FAM171A2: variants seen among roughly 807,000 people sequenced by gnomAD.
FAM171A2 encodes family with sequence similarity 171 member A2.
Under a neutral mutation model 34.2 loss-of-function variants are expected in FAM171A2, and 13 were observed. The ratio of observed to expected loss-of-function variants is 0.38; its 90% CI spans 0.25 to 0.60. The LOEUF is 0.60. Among genes scored for constraint, FAM171A2 ranks in the 20% least tolerant of loss-of-function variants. The pLI, the probability that FAM171A2 is intolerant of heterozygous loss-of-function variation, is 0.62. For synonymous variants in FAM171A2, 475 were observed against 561.2 expected (o/e 0.85, Z 2.17); for missense variants, 950 against 1,180.7 (o/e 0.80, Z 2.86).
chr17:44,360,101 G>C lies in FAM171A2; in HGVS notation c.150C>G (p.Ser50Arg). 1 of 1,551,600 alleles carries C rather than the reference G, an allele frequency of 6.4e-7. No individual in the cohort carries two copies. Among genetic ancestry groups the C allele is most frequent in the Non-Finnish European group, 8.7e-7 (1 of 1,146,954 alleles). ...CCCGGGCCAGGGGCACCAGCTCCCCGCTCACATACACCTGCACCTTGATCA... is the reference window on the plus strand; with the variant it reads ...CCCGGGCCAGGGGCACCAGCTCCCCCCTCACATACACCTGCACCTTGATCA... ...EILIKVQVYVSGELVPLARAS... is the reference protein window; with the variant it reads ...EILIKVQVYVRGELVPLARAS... Residue 50 changes from serine (S) to arginine (R), a missense_variant, in exon 2 of 8, where the codon AGC becomes AGG. Ser to Arg is a moderately radical substitution (Grantham distance 110). This residue lies in a region of FAM171A2 where 752 missense variants were observed against 924.5 expected (regional missense o/e 0.81). Coordinates refer to ENST00000293443, the MANE Select transcript of FAM171A2 (RefSeq NM_198475.3).
rs2048458717 is a variant in FAM171A2 at position 44,363,838 on chromosome 17, G to A, written c.-124C>T. The A allele has an allele frequency of 1.1e-5, 4 of 363,680 alleles. No individual in the cohort carries two copies. The highest frequency in any genetic ancestry group is 2.2e-5 in the African/African-American group (1 of 45,986). 22.5% of individuals were successfully genotyped at this position (363,680 alleles called of 1,614,324 possible). The stretch of plus-strand genomic sequence containing the variant: ...GGCTCCCGCTCCCGCTGCGGCGCCC[G>A]CTCAGCGCGATTGTCTCCGACCGGA... On this transcript the variant is annotated 5_prime_UTR_variant, in exon 1 of 8. Coordinates refer to ENST00000293443, the MANE Select transcript of FAM171A2 (RefSeq NM_198475.3).
In FAM171A2 at chr17:44,356,556, G is replaced by A. The variant is rs62081208; in HGVS notation, c.472C>T (p.Arg158Cys). Reference sequence around the variant, plus strand: ...CTGACAGGCAGGCGGGCAGCCCGGCGCTGGAACTGCACCAAGGGCTGGGAG... The same window carrying A: ...CTGACAGGCAGGCGGGCAGCCCGGCACTGGAACTGCACCAAGGGCTGGGAG... ...ARSQPLVQFQ[R>C]RAARLPVSST... The change falls in exon 4 of 8, where the codon CGC becomes TGC. Residue 158 changes from arginine to cysteine, a missense_variant. Around this residue, in one of 3 missense-constraint regions of FAM171A2, gnomAD observed 752 missense variants for 924.5 expected, o/e 0.81. Transcript: ENST00000293443. The A allele has an allele frequency of 5.2e-6, 8 of 1,547,934 alleles. No individual in the cohort carries two copies. The highest frequency in any genetic ancestry group is 6.1e-6 in the Non-Finnish European group (7 of 1,146,254).
chr17:44,354,421 C>CCGCCGCCCT lies in FAM171A2; in HGVS notation c.1784_1792dup (p.Glu595_Gly597dup). 8.7e-7 allele frequency: 1 copy of CCGCCGCCCT among 1,150,694 alleles called. No individual in the cohort carries two copies. Among genetic ancestry groups the CCGCCGCCCT allele is most frequent in the Non-Finnish European group, 1.1e-6 (1 of 932,002 alleles). 71.3% of individuals were successfully genotyped at this position (1,150,694 alleles called of 1,614,324 possible). The stretch of plus-strand genomic sequence containing the variant: ...GGCCCCCCAGCCCTCGCCGCCGCCC[C>CCGCCGCCCT]CGCCGCCCTCGCCCCCCGGGCCCGA... On this transcript the variant is annotated inframe_insertion, in exon 8 of 8. Coordinates refer to ENST00000293443, the MANE Select transcript of FAM171A2 (RefSeq NM_198475.3). The surrounding 1 kb of genome is among the most constrained non-coding windows in gnomAD (Gnocchi z 5.8).
chr17:44,358,407 G>T (rs554411380), intron 3 of FAM171A2, among the ~76,000 whole-genome samples: 1 of 152,244 alleles, frequency 6.6e-6, no homozygotes, highest in South Asian at 2.1e-4. Flanking sequence ...GAGCAGCTTG[G>T]TGAGGCCGGG....
At position 44,363,760 on chromosome 17, in the gene FAM171A2, C is replaced by T; in HGVS notation, c.-46G>A. ...TAGCGGTCCATGGCTCCCGCCTGGTCCCGCTCGCCCGGCCCCGCGCAGCCC... is the reference window on the plus strand; with the variant it reads ...TAGCGGTCCATGGCTCCCGCCTGGTTCCGCTCGCCCGGCCCCGCGCAGCCC... On this transcript the variant is annotated 5_prime_UTR_variant, in exon 1 of 8. Transcript: ENST00000293443. 1 of 933,916 alleles carries T rather than the reference C, an allele frequency of 1.1e-6. No homozygotes were observed. The highest frequency in any genetic ancestry group is 1.7e-5 in the African/African-American group (1 of 57,878). The allele number at this position is 933,916 out of a possible 1,614,324, so 57.9% of individuals were successfully genotyped here.
In FAM171A2 at chr17:44,356,423, A is replaced by G. The variant is rs2048424085; in HGVS notation, c.598+7T>C. On this transcript the variant is annotated splice_region_variant and intron_variant, in intron 4 of 7. Transcript: ENST00000293443. ...GAGACCCCATCCGTGCTGGGCACCCAGCCTACCTGAGCTGGAGGCCTCAGT... is the reference window on the plus strand; with the variant it reads ...GAGACCCCATCCGTGCTGGGCACCCGGCCTACCTGAGCTGGAGGCCTCAGT... 4 of 1,550,350 alleles carry G rather than the reference A, an allele frequency of 2.6e-6. No individual in the cohort carries two copies. The highest frequency in any genetic ancestry group is 1.2e-5 in the South Asian group (1 of 84,004).
At position 44,359,919 on chromosome 17, in the gene FAM171A2, A is replaced by G; in HGVS notation, c.332T>C (p.Val111Ala). 6.5e-7 allele frequency: 1 copy of G among 1,540,318 alleles called. No individual in the cohort carries two copies. Reference protein sequence around the residue: ...GFLTNSVPWRVDKLPLYASVS... With the variant: ...GFLTNSVPWRADKLPLYASVS... ...CCTGCACTCACAGGGCAGCTTGTCA[A>G]CACGCCAGGGCACAGAGTTGGTGAG... The change falls in exon 2 of 8, where the codon GTT becomes GCT. Residue 111 changes from valine to alanine, a missense_variant. Val to Ala is a moderately conservative substitution (Grantham distance 64, BLOSUM62 0). Around this residue, in one of 3 missense-constraint regions of FAM171A2, gnomAD observed 752 missense variants for 924.5 expected, o/e 0.81. Coordinates refer to ENST00000293443, the MANE Select transcript of FAM171A2 (RefSeq NM_198475.3).
intron 1 of FAM171A2, among the ~76,000 whole-genome samples, chr17:44,360,831 C>G (rs2048445036): frequency 6.6e-6 from 1 of 152,202 alleles, no homozygotes; most frequent in African/African-American, 2.4e-5. Flanking sequence ...TTCCCAGAAT[C>G]CTTTGCACAA....
At chr17:44,359,526 C>A in intron 3 of FAM171A2, 53 bp downstream of exon 3, 1 of 1,463,012 alleles carries the variant, frequency 6.8e-7, no homozygotes, top group South Asian at 1.2e-5. Context: ...GAGGTCTCTA[C>A]ACCTAGGTCA....
intron 3 of FAM171A2, among the ~76,000 whole-genome samples, chr17:44,357,758 T>TGTGTGTGTGTGTGTGTGTGTGTGTGTG (rs61464829): frequency 8.1e-5 from 12 of 148,988 alleles, no homozygotes; most frequent in East Asian, 3.9e-4. Flanking sequence ...TGTGTGTGTG[T>TGTGTGTGTGTGTGTGTGTGTGTGTGTG]TGGGGTGGAG....
At chr17:44,357,490 T>C (rs2048429608) in intron 3 of FAM171A2, among the ~76,000 whole-genome samples, 1 of 147,610 alleles carries the variant, frequency 6.8e-6, no homozygotes, top group South Asian at 2.1e-4. Flanking sequence ...CTACTAAAAC[T>C]ACAAAAATTA....
In FAM171A2 at chr17:44,354,792, C is replaced by T. The variant is rs1380657814; in HGVS notation, c.1422G>A (p.Pro474=). The T allele has an allele frequency of 1.5e-6, 2 of 1,295,174 alleles. No homozygotes were observed. Among genetic ancestry groups the T allele is most frequent in the South Asian group, 2.2e-5 (1 of 45,534 alleles). The allele number at this position is 1,295,174 out of a possible 1,614,324, so 80.2% of individuals were successfully genotyped here. The change falls in exon 8 of 8, where the codon CCG becomes CCA. Residue 474 remains proline (P), a synonymous_variant. Transcript: ENST00000293443. This position sits in a 1 kb window ranked among gnomAD's most constrained non-coding sequence, Gnocchi z 5.8. ...GGTCGAAGGGCGGCGGCGGCGAGGG[C>T]GGCTCGTGCAGGAAGGCCGCAGCCC... ...PSGAAAFLHE[P]PSPPPPFDHY... is the part of the protein sequence containing the mutation.
chr17:44,353,608 A>G lies in FAM171A2; in HGVS notation c.*125T>C. On this transcript the variant is annotated 3_prime_UTR_variant, in exon 8 of 8. Transcript: ENST00000293443. ...CAGCACCAACCACGGAACAGCTCCAAGGCCCCTGGGCCCCTCTCCGGCCTG... is the reference window on the plus strand; with the variant it reads ...CAGCACCAACCACGGAACAGCTCCAGGGCCCCTGGGCCCCTCTCCGGCCTG... The G allele has an allele frequency of 1.5e-6, 1 of 683,028 alleles. No homozygotes were observed. Among genetic ancestry groups the G allele is most frequent in the Non-Finnish European group, 2.0e-6 (1 of 506,530 alleles). The allele number at this position is 683,028 out of a possible 1,614,324, so 42.3% of individuals were successfully genotyped here.
At chr17:44,360,188 G>A (rs1313958617) in intron 1 of FAM171A2, 56 bp from the exon 2 acceptor site, 3 of 1,412,090 alleles carry the variant, frequency 2.1e-6, no homozygotes, top group East Asian at 2.5e-5. Flanking sequence ...AAGAGAACTG[G>A]GGGGAGCCCC....
chr17:44,356,711 G>T, intron 3 of FAM171A2, 123 bp from the exon 4 acceptor site: 1 of 1,092,684 alleles, frequency 9.2e-7, no homozygotes, highest in Non-Finnish European at 1.3e-6. Context: ...AGGCCAGGGA[G>T]GGTGATGCCT....
intron 3 of FAM171A2, among the ~76,000 whole-genome samples, chr17:44,358,706 CA>C (rs2143379926): frequency 6.6e-6 from 1 of 152,040 alleles, no homozygotes; most frequent in South Asian, 2.1e-4. Flanking sequence ...CCAACAACAA[CA>C]ACAACAAAAA....
chr17:44,353,989 C>T lies in FAM171A2; in HGVS notation c.2225G>A (p.Cys742Tyr). 1 of 1,254,432 alleles carries T rather than the reference C, an allele frequency of 8.0e-7. No individual in the cohort carries two copies. The highest frequency in any genetic ancestry group is 1.0e-6 in the Non-Finnish European group (1 of 1,000,588). The allele number at this position is 1,254,432 out of a possible 1,614,324, so 77.7% of individuals were successfully genotyped here. A position where few individuals can be genotyped will look rare whatever the true frequency, so the allele number is the denominator to read the frequency against. ...CGTCAGCGAGTTGTCCTCCGGAGAG[C>T]AGAGGCCCGTGCGGCTCTCGCTGCT... ...PSSSESRTGL[C>Y]SPEDNSLTPL... Residue 742 changes from cysteine to tyrosine, a missense_variant, in exon 8 of 8, where the codon TGC becomes TAC. By Grantham distance (194) the Cys-to-Tyr change is radical. Transcript: ENST00000293443.
intron 3 of FAM171A2, among the ~76,000 whole-genome samples, chr17:44,358,043 T>C (rs1393858603): frequency 6.6e-6 from 1 of 152,148 alleles, no homozygotes; most frequent in African/African-American, 2.4e-5. Context: ...ATGCCATTCC[T>C]CCTGCCTTGC....
At chr17:44,359,237 C>T (rs187201436) in intron 3 of FAM171A2, 5 of 253,298 alleles carry the variant, frequency 2.0e-5, no homozygotes, top group African/African-American at 9.1e-5. Context: ...ACTTCCTGTG[C>T]ACCTGTGCAT....
Sources: allele counts gnomAD v4.1 joint callset (sites outside exome capture counted in the v4.1 genomes callset), GRCh38; gene constraint gnomAD v4.1.1; regional missense constraint gnomAD v4.1.1; non-coding constraint Gnocchi (gnomAD v3.1); transcripts MANE v1.5; gene names NCBI Gene and HGNC (gene_info 2026-07-23, HGNC 2026-07-21).